The following EPHA6 variants were observed in gnomAD, a reference collection of about 807,000 sequenced individuals.
EPHA6 encodes EPH receptor A6, also known as ephrin type-A receptor 6.
In EPHA6, 50 loss-of-function variants were observed where a neutral mutation model predicts 112.0. That is an observed-to-expected ratio of 0.45 (90% confidence interval 0.36 to 0.56). The LOEUF (loss-of-function observed/expected upper bound fraction) is 0.56. Ranked by LOEUF, EPHA6 falls within the 20% of genes least tolerant of loss-of-function variation. The pLI is 0.00. For missense variants in EPHA6, 1,280 were observed against 1,417.4 expected, an observed-to-expected ratio of 0.90 and a Z score of 1.56; for synonymous variants, 529 against 490.7, an observed-to-expected ratio of 1.08 and a Z score of -1.03.
rs558879973 is a variant in EPHA6, at chr3:97,753,130, TGTTCCACAAAGACA to T, written c.*4432_*4445del. Among the ~76,000 whole-genome samples, 159 of 152,308 alleles carry T rather than the reference TGTTCCACAAAGACA, an allele frequency of 1.0e-3. No homozygotes were observed. Among genetic ancestry groups the T allele is most frequent in the African/African-American group, 3.4e-3 (140 of 41,586 alleles). On this transcript the variant is annotated 3_prime_UTR_variant, in exon 18 of 18. Coordinates refer to ENST00000389672, the MANE Select transcript of EPHA6 (RefSeq NM_001080448.3). ...TTCAACAATTTTTCAATCTTTATAA[TGTTCCACAAAGACA>T]GTATAGATTTTATCTAGTTCAGCTT...
At chr3:97,249,191 T>C (rs1667602921) in intron 5 of EPHA6, among the ~76,000 whole-genome samples, 1 of 152,284 alleles carries the variant, frequency 6.6e-6, no homozygotes, top group East Asian at 1.9e-4. Flanking sequence ...ATTTGTATTT[T>C]CCATATTTCT....
Position 96,814,665 on chromosome 3 carries a change from G to C in EPHA6, c.42G>C (p.Ala14=). Residue 14 remains alanine, a synonymous_variant, in exon 1 of 18, where the codon GCG becomes GCC. Transcript: ENST00000389672. ...PSPPAARSSP[A]PQAASSSEAA... is the part of the protein sequence containing the mutation. Reference sequence around the variant, plus strand: ...CTCCAGCCGCGAGGAGCTCCCCGGCGCCGCAGGCAGCGTCCTCCTCCGAAG... The same window carrying C: ...CTCCAGCCGCGAGGAGCTCCCCGGCCCCGCAGGCAGCGTCCTCCTCCGAAG... The C allele has an allele frequency of 6.8e-7, 1 of 1,477,270 alleles. No homozygotes were observed. Among genetic ancestry groups the C allele is most frequent in the Non-Finnish European group, 9.0e-7 (1 of 1,113,128 alleles). 91.5% of individuals were successfully genotyped at this position (1,477,270 alleles called of 1,614,324 possible). A position where few individuals can be genotyped will look rare whatever the true frequency, so the allele number is the denominator to read the frequency against.
chr3:97,022,900 C>T (rs1186476607), intron 3 of EPHA6, among the ~76,000 whole-genome samples: 2 of 152,186 alleles, frequency 1.3e-5, no homozygotes, highest in African/African-American at 4.8e-5. Context: ...AGCAGGCCAG[C>T]TTGAGCACAG....
chr3:96,898,287 A>T (rs905097106), intron 2 of EPHA6, among the ~76,000 whole-genome samples: 1 of 152,224 alleles, frequency 6.6e-6, no homozygotes, highest in Non-Finnish European at 1.5e-5. Flanking sequence ...TAGTATTTGC[A>T]GTGTGACTTA....
intron 5 of EPHA6, among the ~76,000 whole-genome samples, chr3:97,304,211 T>C (rs1477403468): frequency 1.3e-5 from 2 of 151,994 alleles, no homozygotes; most frequent in African/African-American, 4.8e-5. Context: ...TGACTTCCTC[T>C]CTTCCTATTT....
chr3:97,231,316 T>C (rs556958132), intron 4 of EPHA6, among the ~76,000 whole-genome samples: 13 of 152,322 alleles, frequency 8.5e-5, no homozygotes, highest in Non-Finnish European at 1.8e-4. Context: ...TTACTTACTT[T>C]GTTTGGCAAA....
In EPHA6 at chr3:97,216,658, G is replaced by C. The variant is rs551161203; in HGVS notation, c.1115-9606G>C. 2.6e-5 allele frequency among the ~76,000 whole-genome samples: 4 copies of C among 152,228 alleles called. No homozygotes were observed. The South Asian group carries it at 6.2e-4, about 24-fold the overall frequency. ...TACCTATAGTAAGTACTGCCAAACA[G>C]TTCTCTAAAGTGGTAGCACGAACTT... On this transcript the variant is annotated intron_variant, in intron 3 of 17. Coordinates refer to ENST00000389672, the MANE Select transcript of EPHA6 (RefSeq NM_001080448.3).
At chr3:97,582,140 C>T (rs1377257928) in intron 11 of EPHA6, among the ~76,000 whole-genome samples, 5 of 152,140 alleles carry the variant, frequency 3.3e-5, no homozygotes, top group African/African-American at 1.2e-4. Flanking sequence ...AGCAATTCTC[C>T]TGCCTCAGCC....
At chr3:96,887,392 C>G (rs573460875) in intron 2 of EPHA6, among the ~76,000 whole-genome samples, 1 of 152,294 alleles carries the variant, frequency 6.6e-6, no homozygotes, top group East Asian at 1.9e-4. Context: ...GTCTACCCGG[C>G]TCCAGGCTGG....
rs2035923151 is a variant in EPHA6, at chr3:97,752,367, G to GA, written c.*3666_*3667insA. On this transcript the variant is annotated 3_prime_UTR_variant, in exon 18 of 18. Transcript: ENST00000389672. ...TGGTGTCTTTTCCTACCAAATTTCT[G>GA]CTCTACAAGGCAGTCAGTTAAATCT... 1 of 224,364 alleles carries GA rather than the reference G, an allele frequency of 4.5e-6. No individual in the cohort carries two copies. The highest frequency in any genetic ancestry group is 8.9e-6 in the Non-Finnish European group (1 of 112,586). The allele number at this position is 224,364 out of a possible 1,614,324, so 13.9% of individuals were successfully genotyped here.
intron 3 of EPHA6, among the ~76,000 whole-genome samples, chr3:97,031,763 T>G (rs1258840261): frequency 4.0e-5 from 6 of 151,568 alleles, no homozygotes; most frequent in African/African-American, 1.2e-4. Context: ...TCTCACACCA[T>G]TTAGAATGGC....
intron 3 of EPHA6, among the ~76,000 whole-genome samples, chr3:97,001,663 A>G (rs1380521140): frequency 6.6e-6 from 1 of 152,014 alleles, no homozygotes; most frequent in African/African-American, 2.4e-5. Context: ...ATAAATCAAT[A>G]TTATTACTGG....
At chr3:97,545,137 G>C (rs1458145134) in intron 11 of EPHA6, among the ~76,000 whole-genome samples, 2 of 152,034 alleles carry the variant, frequency 1.3e-5, no homozygotes, top group South Asian at 2.1e-4. Flanking sequence ...TGCTTTTCTA[G>C]TTCTTTTAAT....
At chr3:96,972,794 G>A (rs764973451) in intron 2 of EPHA6, among the ~76,000 whole-genome samples, 90 of 152,108 alleles carry the variant, frequency 5.9e-4, no homozygotes, top group Non-Finnish European at 4.6e-4. Flanking sequence ...CCAATAGTCC[G>A]TTCTGTGCTA....
intron 2 of EPHA6, among the ~76,000 whole-genome samples, chr3:96,880,645 T>C (rs2037258079): frequency 6.6e-6 from 1 of 152,102 alleles, no homozygotes; most frequent in African/African-American, 2.4e-5. Flanking sequence ...AGAGTGAAAA[T>C]ATTTCATCAC....
intron 3 of EPHA6, among the ~76,000 whole-genome samples, chr3:97,126,386 T>C (rs1464874043): frequency 2.6e-5 from 4 of 152,112 alleles, no homozygotes; most frequent in African/African-American, 9.7e-5. Context: ...AAACAGTAAT[T>C]TTCCCACTTT....
chr3:96,949,923 C>G (rs2041453653), intron 2 of EPHA6, among the ~76,000 whole-genome samples: 1 of 152,110 alleles, frequency 6.6e-6, no homozygotes, highest in Non-Finnish European at 1.5e-5. Flanking sequence ...AAATTAAAGT[C>G]TTAACATTAA....
At chr3:97,539,768 T>C (rs2092822829) in intron 11 of EPHA6, among the ~76,000 whole-genome samples, 1 of 152,196 alleles carries the variant, frequency 6.6e-6, no homozygotes, top group Non-Finnish European at 1.5e-5. Context: ...CTTTCAAGAC[T>C]GGAGTTAGCA....
At chr3:96,827,742 A>G (rs887681943) in intron 1 of EPHA6, among the ~76,000 whole-genome samples, 1 of 152,128 alleles carries the variant, frequency 6.6e-6, no homozygotes, top group African/African-American at 2.4e-5. Context: ...ATAGGAAAAT[A>G]TTTTTACAGA....
Sources: allele counts gnomAD v4.1 joint callset (sites outside exome capture counted in the v4.1 genomes callset), GRCh38; gene constraint gnomAD v4.1.1; transcripts MANE v1.5; gene names NCBI Gene and HGNC (gene_info 2026-07-23, HGNC 2026-07-21).